Variants in SLCO5A1 observed in about 807,000 individuals in gnomAD.
SLCO5A1 encodes the protein organic anion transporter polypeptide-related protein 4.
Under a neutral mutation model 65.1 loss-of-function variants are expected in SLCO5A1, and 39 were observed. That is an observed-to-expected ratio of 0.60 (90% CI 0.46 to 0.78). The LOEUF is 0.78. Among genes scored for constraint, SLCO5A1 ranks in the 30% least tolerant of loss-of-function variants. SLCO5A1 has a pLI of 0.00. For synonymous variants in SLCO5A1, 438 were observed against 415.7 expected (o/e 1.05, Z -0.65); for missense variants, 1,029 against 1,069.4 (o/e 0.96, Z 0.53).
intron 2 of SLCO5A1, among the ~76,000 whole-genome samples, chr8:69,809,576 C>T (rs1371709574): frequency 2.6e-5 from 4 of 152,058 alleles, no homozygotes; most frequent in Admixed American, 1.3e-4. Context: ...TTGGTTAGAA[C>T]ATTTAAGCAC....
At position 69,679,409 on chromosome 8, in the gene SLCO5A1, C is replaced by G. The variant is rs1206668328; in HGVS notation, c.1993G>C (p.Ala665Pro). ...LFIVTFITACAQPSAIIVTLR... is the reference protein window; with the variant it reads ...LFIVTFITACPQPSAIIVTLR... ...GTTACTATGATAGCTGATGGTTGGG[C>G]ACATGCTGTGATGAAGGTGACTATG... Residue 665 changes from alanine to proline, a missense_variant, in exon 8 of 10, where the codon GCC becomes CCC. This residue lies in a region of SLCO5A1 where 258 missense variants were observed against 237.4 expected (regional missense o/e 1.09). Coordinates refer to ENST00000260126, the MANE Select transcript of SLCO5A1 (RefSeq NM_030958.3). 6.2e-7 allele frequency: 1 copy of G among 1,614,190 alleles called. No individual in the cohort carries two copies. Among genetic ancestry groups the G allele is most frequent in the Non-Finnish European group, 8.5e-7 (1 of 1,180,038 alleles).
At chr8:69,771,141 C>T (rs190143474) in intron 2 of SLCO5A1, among the ~76,000 whole-genome samples, 12 of 152,142 alleles carry the variant, frequency 7.9e-5, no homozygotes, top group East Asian at 3.9e-4. Context: ...CCCACCACCA[C>T]GCCCGGCTAA....
intron 2 of SLCO5A1, among the ~76,000 whole-genome samples, chr8:69,805,124 G>A (rs1362270500): frequency 1.3e-5 from 2 of 151,790 alleles, no homozygotes; most frequent in Non-Finnish European, 2.9e-5. Context: ...CACTATTCAG[G>A]CCATTCTCCA....
intron 2 of SLCO5A1, among the ~76,000 whole-genome samples, chr8:69,812,458 T>G (rs1477298596): frequency 6.6e-6 from 1 of 152,238 alleles, no homozygotes; most frequent in African/African-American, 2.4e-5. Context: ...ATTTACCATT[T>G]CTACAAAACT....
intron 2 of SLCO5A1, among the ~76,000 whole-genome samples, chr8:69,806,933 T>A (rs1432363958): frequency 6.6e-6 from 1 of 152,230 alleles, no homozygotes; most frequent in Non-Finnish European, 1.5e-5. Context: ...AATTTACAGA[T>A]TCAATGCTAT....
chr8:69,718,530 A>G (rs1815664611), intron 5 of SLCO5A1, among the ~76,000 whole-genome samples: 1 of 152,188 alleles, frequency 6.6e-6, no homozygotes, highest in Admixed American at 6.5e-5. Context: ...TGGGTTTTCC[A>G]TAGATGCCCC....
At position 69,750,004 on chromosome 8, in the gene SLCO5A1, AG is replaced by A. The variant is rs1305578731; in HGVS notation, c.1258+5419del. 1.2e-4 allele frequency among the ~76,000 whole-genome samples: 19 copies of A among 152,294 alleles called. No individual in the cohort carries two copies. In the South Asian group the frequency reaches 3.7e-3, roughly 30 times the overall value. On this transcript the variant is annotated intron_variant, in intron 4 of 9. Transcript: ENST00000260126. ...CCAGCACAAGCGTGGCAAGTGTAAA[AG>A]TCCTGGGGTGAGACTCTCTGGCACG...
chr8:69,777,199 T>C (rs1414181657), intron 2 of SLCO5A1, among the ~76,000 whole-genome samples: 2 of 152,202 alleles, frequency 1.3e-5, no homozygotes, highest in African/African-American at 4.8e-5. Flanking sequence ...GGTCATACAA[T>C]GGAATACTAC....
intron 2 of SLCO5A1, among the ~76,000 whole-genome samples, chr8:69,792,700 G>A (rs892052164): frequency 6.6e-6 from 1 of 152,126 alleles, no homozygotes; most frequent in Non-Finnish European, 1.5e-5. Flanking sequence ...GACTTGATAA[G>A]TTATTAGAGA....
intron 2 of SLCO5A1, among the ~76,000 whole-genome samples, chr8:69,807,240 G>A (rs147787239): frequency 6.6e-6 from 1 of 152,182 alleles, no homozygotes; most frequent in Non-Finnish European, 1.5e-5. Flanking sequence ...CATAATAATT[G>A]TATACATGTA....
intron 2 of SLCO5A1, among the ~76,000 whole-genome samples, chr8:69,772,257 T>A (rs187348967): frequency 6.6e-6 from 1 of 152,206 alleles, no homozygotes; most frequent in East Asian, 1.9e-4. Flanking sequence ...GAAATAATTC[T>A]GGCATATAAT....
intron 6 of SLCO5A1, among the ~76,000 whole-genome samples, chr8:69,699,204 T>C (rs1814620155): frequency 6.6e-6 from 1 of 152,182 alleles, no homozygotes; most frequent in Non-Finnish European, 1.5e-5. Flanking sequence ...CCCTGTTTTC[T>C]GGAGAAAATG....
chr8:69,673,422 C>A, intron 9 of SLCO5A1, 96 bp from the exon 10 acceptor site: 1 of 1,026,168 alleles, frequency 9.7e-7, no homozygotes, highest in Non-Finnish European at 1.4e-6. Context: ...TGCTCTAAAA[C>A]CAGTTGAGGG....
chr8:69,807,537 G>A lies in SLCO5A1; in HGVS notation c.907+24230C>T, dbSNP rs1164886863. 1.3e-4 allele frequency among the ~76,000 whole-genome samples: 20 copies of A among 152,114 alleles called. No individual in the cohort carries two copies. In the East Asian group the frequency reaches 3.5e-3, roughly 26 times the overall value. ...TCTGGCCCTCTCCCGCACAGCCTCT[G>A]AAACCACACTCTATTCTCTACTGCT... is the stretch of plus-strand genomic sequence containing the variant. On this transcript the variant is annotated intron_variant, in intron 2 of 9. Coordinates refer to ENST00000260126, the MANE Select transcript of SLCO5A1 (RefSeq NM_030958.3).
intron 6 of SLCO5A1, among the ~76,000 whole-genome samples, chr8:69,684,219 A>C (rs1163024845): frequency 6.6e-6 from 1 of 152,200 alleles, no homozygotes; most frequent in Non-Finnish European, 1.5e-5. Flanking sequence ...GTGGGTCTCC[A>C]CTGGGTCAAT....
intron 2 of SLCO5A1, among the ~76,000 whole-genome samples, chr8:69,825,988 T>C (rs1820892164): frequency 6.6e-6 from 1 of 152,180 alleles, no homozygotes; most frequent in African/African-American, 2.4e-5. Context: ...TATCTACAAC[T>C]ATCTGATCTT....
At chr8:69,827,328 A>G (rs1295447337) in intron 2 of SLCO5A1, among the ~76,000 whole-genome samples, 1 of 152,152 alleles carries the variant, frequency 6.6e-6, no homozygotes. Context: ...AAAAAATTAT[A>G]GTCTAGTTGC....
intron 2 of SLCO5A1, among the ~76,000 whole-genome samples, chr8:69,805,400 T>C (rs1819950112): frequency 6.6e-6 from 1 of 152,148 alleles, no homozygotes. Context: ...TCAAATAGGC[T>C]TCGGTAGAAC....
At chr8:69,676,702 T>G in intron 8 of SLCO5A1, 29 bp from the exon 9 acceptor site, 1 of 1,589,460 alleles carries the variant, frequency 6.3e-7, no homozygotes, top group South Asian at 1.1e-5. Context: ...AGGAAATGCA[T>G]TTTAAATAGT....
Sources: gnomAD v4.1 joint callset for allele counts (sites outside exome capture counted in the v4.1 genomes callset) on GRCh38, gnomAD v4.1.1 for gene constraint, gnomAD v4.1.1 regional missense constraint, MANE v1.5 for transcripts, NCBI Gene and HGNC (gene_info 2026-07-23, HGNC 2026-07-21) for gene names.